Variants in PLA2G4A observed in about 807,000 individuals in gnomAD.
PLA2G4A encodes the protein cytosolic phospholipase A2.
PLA2G4A carries 40 observed loss-of-function variants against 81.9 expected under a neutral mutation model. The observed-to-expected ratio is 0.49, with a 90% CI of 0.38 to 0.64. The LOEUF (loss-of-function observed/expected upper bound fraction) is 0.64. Ranked by LOEUF, PLA2G4A falls within the 30% of genes least tolerant of loss-of-function variation. The pLI is 0.00. For synonymous variants in PLA2G4A, 302 were observed against 296.9 expected, an observed-to-expected ratio of 1.02 and a Z score of -0.18; for missense variants, 715 against 905.1, an observed-to-expected ratio of 0.79 and a Z score of 2.69.
At chr1:186,919,006 T>C (rs1655249370) in intron 7 of PLA2G4A, among the ~76,000 whole-genome samples, 1 of 152,248 alleles carries the variant, frequency 6.6e-6, no homozygotes, top group Non-Finnish European at 1.5e-5. Context: ...GCCACTGGCC[T>C]TGGCCAGGGC....
intron 3 of PLA2G4A, among the ~76,000 whole-genome samples, chr1:186,881,234 A>G (rs1370979469): frequency 6.6e-6 from 1 of 152,058 alleles, no homozygotes; most frequent in African/African-American, 2.4e-5. Context: ...AGCCTATGAG[A>G]AAAAAGGAAA....
rs779754123 is a variant in PLA2G4A at position 186,940,117 on chromosome 1, A to G, written c.1033+23A>G. Reference sequence around the variant, plus strand: ...CAGGTATGCTGTTTCCTTTCTCAGAACACTTCCTGGAACCTCTGAATTGCA... The same window carrying G: ...CAGGTATGCTGTTTCCTTTCTCAGAGCACTTCCTGGAACCTCTGAATTGCA... On this transcript the variant is annotated intron_variant, in intron 10 of 17. Coordinates refer to ENST00000367466, the MANE Select transcript of PLA2G4A (RefSeq NM_024420.3). 5 of 1,278,698 alleles carry G rather than the reference A, an allele frequency of 3.9e-6. No homozygotes were observed. In the South Asian group the frequency reaches 5.9e-5, roughly 15 times the overall value. 79.2% of individuals were successfully genotyped at this position (1,278,698 alleles called of 1,614,324 possible).
chr1:186,891,112 A>G (rs7555537), intron 3 of PLA2G4A, among the ~76,000 whole-genome samples: 1 of 151,576 alleles, frequency 6.6e-6, no homozygotes, highest in Non-Finnish European at 1.5e-5. Context: ...TCTTTTTTTT[A>G]AAAAAAAGTA....
At chr1:186,949,786 C>A (rs1261179342) in intron 12 of PLA2G4A, among the ~76,000 whole-genome samples, 4 of 151,720 alleles carry the variant, frequency 2.6e-5, no homozygotes, top group African/African-American at 7.3e-5. Context: ...CTTTGGGAGG[C>A]CAAGGAAGGA....
intron 7 of PLA2G4A, among the ~76,000 whole-genome samples, chr1:186,920,565 T>A (rs897061939): frequency 1.3e-5 from 2 of 152,198 alleles, no homozygotes; most frequent in Admixed American, 1.3e-4. Flanking sequence ...TAAACAAAGC[T>A]CCCTCATCTT....
intron 5 of PLA2G4A, among the ~76,000 whole-genome samples, chr1:186,903,574 A>G (rs1033409): frequency 0.034 from 5,129 of 152,196 alleles, 145 homozygotes; most frequent in Non-Finnish European, 0.048. Context: ...GCCTCCTGTA[A>G]GATCAGCGGT....
Position 186,979,350 on chromosome 1 carries a change from G to T in PLA2G4A, c.1996G>T (p.Ala666Ser), listed in dbSNP as rs770739832. ...PRETEEEKEI[A>S]DFDIFDDPES... The stretch of plus-strand genomic sequence containing the variant: ...GGAAACTGAGGAAGAGAAAGAAATC[G>T]CTGACTTTGATATTTTTGATGACCC... Residue 666 changes from alanine to serine, a missense_variant, in exon 17 of 18, where the codon GCT becomes TCT. By Grantham distance (99) the Ala-to-Ser change is moderately conservative. Coordinates refer to ENST00000367466, the MANE Select transcript of PLA2G4A (RefSeq NM_024420.3). The T allele has an allele frequency of 1.9e-6, 3 of 1,611,370 alleles. No individual in the cohort carries two copies. The highest frequency in any genetic ancestry group is 2.2e-5 in the East Asian group (1 of 44,866).
chr1:186,866,883 A>T (rs1306362037), intron 2 of PLA2G4A, among the ~76,000 whole-genome samples: 1 of 152,094 alleles, frequency 6.6e-6, no homozygotes, highest in Admixed American at 6.5e-5. Flanking sequence ...AGGCCCAGTT[A>T]TCATCTGTGT....
Position 186,830,943 on chromosome 1 carries a change from TTGCTTGCTTGCTTG to T in PLA2G4A, c.-70+1909_-70+1922del, listed in dbSNP as rs1571315439. ...TCTTGCTCCAGATTGTATAGCTTGC[TTGCTTGCTTGCTTG>T]CTTTCTTTCTTTCTTTCTTTCTTTC... On this transcript the variant is annotated intron_variant, in intron 1 of 17. Coordinates refer to ENST00000367466, the MANE Select transcript of PLA2G4A (RefSeq NM_024420.3). 7.1e-4 allele frequency among the ~76,000 whole-genome samples: 27 copies of T among 38,180 alleles called. 1 individual carries two copies. The East Asian group carries it at 0.012, about 16-fold the overall frequency. The allele number at this position is 38,180 out of a possible 152,430, so 25.0% of individuals were successfully genotyped here.
intron 6 of PLA2G4A, among the ~76,000 whole-genome samples, chr1:186,911,016 T>G (rs1000233612): frequency 3.3e-5 from 5 of 152,246 alleles, no homozygotes; most frequent in African/African-American, 1.2e-4. Flanking sequence ...TGCTCGTTTA[T>G]TTTATCTAAA....
At chr1:186,986,991 T>A (rs1354068205) in intron 17 of PLA2G4A, among the ~76,000 whole-genome samples, 1 of 152,192 alleles carries the variant, frequency 6.6e-6, no homozygotes, top group African/African-American at 2.4e-5. Context: ...GAGAAGATAA[T>A]TACATATATT....
At chr1:186,897,913 G>A (rs79119295) in intron 5 of PLA2G4A, among the ~76,000 whole-genome samples, 2 of 152,286 alleles carry the variant, frequency 1.3e-5, no homozygotes, top group East Asian at 3.9e-4. Context: ...TGTCATCCAA[G>A]TAGTGAACAT....
intron 1 of PLA2G4A, among the ~76,000 whole-genome samples, chr1:186,841,499 G>C (rs1441154657): frequency 6.6e-6 from 1 of 152,100 alleles, no homozygotes; most frequent in Non-Finnish European, 1.5e-5. Context: ...AAAGTGAAGA[G>C]GTATGTTCAG....
At chr1:186,854,429 C>T (rs747818781) in intron 2 of PLA2G4A, 42 bp downstream of exon 2, 1 of 1,288,984 alleles carries the variant, frequency 7.8e-7, no homozygotes, top group Admixed American at 1.7e-5. Flanking sequence ...TGGAGGGGGT[C>T]TGATATGTTT....
intron 3 of PLA2G4A, 74 bp from the exon 4 acceptor site, chr1:186,892,937 C>T (rs1654197954): frequency 1.9e-6 from 2 of 1,026,574 alleles, no homozygotes; most frequent in Admixed American, 1.7e-5. Flanking sequence ...AAACTGACAA[C>T]ATATATTAAT....
chr1:186,873,009 G>A (rs116487370), intron 3 of PLA2G4A, among the ~76,000 whole-genome samples: 5 of 151,700 alleles, frequency 3.3e-5, no homozygotes, highest in African/African-American at 1.2e-4. Context: ...TTTTTGAATT[G>A]TTACTTTTGT....
Position 186,963,334 on chromosome 1 carries a change from G to A in PLA2G4A, c.1580-2075G>A, listed in dbSNP as rs186088127. Among the ~76,000 whole-genome samples, 22 of 152,258 alleles carry A rather than the reference G, an allele frequency of 1.4e-4. 1 individual carries two copies. Among genetic ancestry groups the A allele is most frequent in the African/African-American group, 3.4e-4 (14 of 41,562 alleles). On this transcript the variant is annotated intron_variant, in intron 14 of 17. Coordinates refer to ENST00000367466, the MANE Select transcript of PLA2G4A (RefSeq NM_024420.3). Reference sequence around the variant, plus strand: ...AGTTTATATAGTTCAGTCTTACATCGTTACATTCCAGGTTCTGTGATAGGT... The same window carrying A: ...AGTTTATATAGTTCAGTCTTACATCATTACATTCCAGGTTCTGTGATAGGT...
intron 3 of PLA2G4A, among the ~76,000 whole-genome samples, chr1:186,890,201 G>A (rs1379440917): frequency 6.6e-6 from 1 of 152,166 alleles, no homozygotes; most frequent in Non-Finnish European, 1.5e-5. Context: ...AAGTCGATAG[G>A]TTAGGAAACC....
intron 10 of PLA2G4A, among the ~76,000 whole-genome samples, 184 bp from the exon 11 acceptor site, chr1:186,946,453 G>GT (rs12720622): frequency 0.66 from 100,844 of 151,864 alleles, 35,075 homozygotes; most frequent in Non-Finnish European, 0.76. Context: ...ACCTCTAAGC[G>GT]TTTTTCCCCC....
Sources: allele counts gnomAD v4.1 joint callset (sites outside exome capture counted in the v4.1 genomes callset), GRCh38; gene constraint gnomAD v4.1.1; transcripts MANE v1.5; gene names NCBI Gene and HGNC (gene_info 2026-07-23, HGNC 2026-07-21).